IMMP2L: variants seen among roughly 807,000 people sequenced by gnomAD.
IMMP2L encodes mitochondrial inner membrane protease subunit 2.
Under a neutral mutation model 19.3 loss-of-function variants are expected in IMMP2L, and 18 were observed. The observed-to-expected ratio is 0.93, with a 90% CI of 0.64 to 1.38. The LOEUF (loss-of-function observed/expected upper bound fraction) is 1.38. IMMP2L is among the 40% of genes most tolerant of loss of function. IMMP2L has a pLI of 0.00. For synonymous variants in IMMP2L, 76 were observed against 73.0 expected, an observed-to-expected ratio of 1.04 and a Z score of -0.21; for missense variants, 233 against 218.2, an observed-to-expected ratio of 1.07 and a Z score of -0.43.
chr7:110,912,618 A>G (rs1813179335), intron 4 of IMMP2L, among the ~76,000 whole-genome samples: 1 of 151,970 alleles, frequency 6.6e-6, no homozygotes, highest in Non-Finnish European at 1.5e-5. Flanking sequence ...GGGGTAGGAT[A>G]ATGGGGCAAT....
Position 110,715,184 on chromosome 7 carries a change from C to T in IMMP2L, c.409-51463G>A, listed in dbSNP as rs1258731949. ...TTTTTTTCTTTGTTAATTTAGCTAA[C>T]AGTGTATTGCTCTTGTTCATCCTTT... On this transcript the variant is annotated intron_variant, in intron 5 of 5. Transcript: ENST00000405709. Among the ~76,000 whole-genome samples, 4 of 152,050 alleles carry T rather than the reference C, an allele frequency of 2.6e-5. 1 individual carries two copies. In the East Asian group the frequency reaches 7.7e-4, roughly 29 times the overall value.
At chr7:110,816,541 G>C (rs1265379086) in intron 5 of IMMP2L, among the ~76,000 whole-genome samples, 1 of 151,686 alleles carries the variant, frequency 6.6e-6, no homozygotes, top group East Asian at 1.9e-4. Context: ...CTGTCTCGTT[G>C]ATCTGTCTAA....
chr7:111,293,999 A>C (rs1045725998), intron 3 of IMMP2L, among the ~76,000 whole-genome samples: 1 of 151,968 alleles, frequency 6.6e-6, no homozygotes, highest in African/African-American at 2.4e-5. Flanking sequence ...CATAAATAGT[A>C]AAACAGAATA....
intron 3 of IMMP2L, among the ~76,000 whole-genome samples, chr7:111,069,560 T>C (rs886381954): frequency 1.3e-5 from 2 of 152,190 alleles, no homozygotes; most frequent in African/African-American, 4.8e-5. Context: ...ATTATTATAA[T>C]GAAGACTGAT....
intron 3 of IMMP2L, among the ~76,000 whole-genome samples, chr7:110,978,293 C>A (rs751753550): frequency 6.6e-6 from 1 of 151,874 alleles, no homozygotes; most frequent in Non-Finnish European, 1.5e-5. Context: ...TTAAAATACT[C>A]TGACTTAATT....
intron 3 of IMMP2L, among the ~76,000 whole-genome samples, chr7:111,152,181 T>C (rs1167970767): frequency 6.6e-6 from 1 of 152,130 alleles, no homozygotes; most frequent in African/African-American, 2.4e-5. Context: ...CTCTTCACTA[T>C]AATTTAGTAT....
At chr7:111,202,748 A>G (rs954902717) in intron 3 of IMMP2L, among the ~76,000 whole-genome samples, 9 of 152,206 alleles carry the variant, frequency 5.9e-5, no homozygotes, top group African/African-American at 9.6e-5. Flanking sequence ...ACTTTACACT[A>G]TGAACTCTAT....
At chr7:110,726,842 A>T (rs528817397) in intron 5 of IMMP2L, among the ~76,000 whole-genome samples, 2 of 152,156 alleles carry the variant, frequency 1.3e-5, no homozygotes, top group African/African-American at 2.4e-5. Context: ...CCAATGCCCA[A>T]ATTACTCTGG....
chr7:110,962,923 T>C (rs1819120433), intron 4 of IMMP2L: 3 of 1,403,160 alleles, frequency 2.1e-6, no homozygotes, highest in Non-Finnish European at 1.8e-6. Flanking sequence ...CAGTATTTAC[T>C]TGCTGAATGT....
intron 3 of IMMP2L, among the ~76,000 whole-genome samples, chr7:111,287,031 T>C (rs974021986): frequency 3.9e-5 from 6 of 152,328 alleles, no homozygotes; most frequent in Non-Finnish European, 7.4e-5. Context: ...ACTTGCTCCA[T>C]GGGGTTGTTA....
intron 3 of IMMP2L, among the ~76,000 whole-genome samples, chr7:111,343,383 A>G (rs149677292): frequency 6.6e-6 from 1 of 151,992 alleles, no homozygotes; most frequent in Non-Finnish European, 1.5e-5. Flanking sequence ...TCCTCTTCTG[A>G]GCTTTTCAGA....
intron 4 of IMMP2L, among the ~76,000 whole-genome samples, chr7:110,942,299 C>T (rs1585366049): frequency 6.6e-6 from 1 of 151,868 alleles, no homozygotes; most frequent in Non-Finnish European, 1.5e-5. Context: ...ATAGGAAATA[C>T]ACAATAGCAG....
Position 111,008,745 on chromosome 7 carries a change from C to T in IMMP2L, c.240-45180G>A, listed in dbSNP as rs192538909. Among the ~76,000 whole-genome samples the T allele has an allele frequency of 3.3e-5, 5 of 151,910 alleles. 1 individual carries two copies. Among genetic ancestry groups the T allele is most frequent in the African/African-American group, 1.2e-4 (5 of 41,420 alleles). ...CCTAGAATACTATGTGGCACATAGTCGACACTCAAAACTATTTGTTGTATG... is the reference window on the plus strand; with the variant it reads ...CCTAGAATACTATGTGGCACATAGTTGACACTCAAAACTATTTGTTGTATG... On this transcript the variant is annotated intron_variant, in intron 3 of 5. Transcript: ENST00000405709.
chr7:111,282,472 A>G (rs34861250), intron 3 of IMMP2L, among the ~76,000 whole-genome samples: 7,206 of 152,338 alleles, frequency 0.047, 247 homozygotes, highest in Non-Finnish European at 0.071. Context: ...AATGATAAAC[A>G]TATATGCAGC....
intron 3 of IMMP2L, among the ~76,000 whole-genome samples, chr7:111,300,577 G>A (rs1822115670): frequency 6.6e-6 from 1 of 152,018 alleles, no homozygotes; most frequent in Non-Finnish European, 1.5e-5. Flanking sequence ...CCACAAGGAT[G>A]CCTTCTGTTG....
intron 4 of IMMP2L, among the ~76,000 whole-genome samples, chr7:110,917,349 T>C (rs1190805875): frequency 6.6e-6 from 1 of 152,180 alleles, no homozygotes; most frequent in Non-Finnish European, 1.5e-5. Context: ...AGAAAACCAA[T>C]ACTACATTTT....
At chr7:110,979,748 G>GA (rs1031022854) in intron 3 of IMMP2L, among the ~76,000 whole-genome samples, 3 of 151,942 alleles carry the variant, frequency 2.0e-5, no homozygotes, top group African/African-American at 7.3e-5. Context: ...CCAACCACTT[G>GA]AAAAATGGGA....
At chr7:110,679,489 G>A (rs1792550936) in intron 5 of IMMP2L, among the ~76,000 whole-genome samples, 1 of 152,084 alleles carries the variant, frequency 6.6e-6, no homozygotes, top group Admixed American at 6.6e-5. Context: ...ATACATGAGT[G>A]GAGAGGTGTG....
intron 3 of IMMP2L, among the ~76,000 whole-genome samples, chr7:111,423,720 T>TC (rs748387789): frequency 2.0e-5 from 3 of 151,694 alleles, no homozygotes; most frequent in Admixed American, 6.6e-5. Context: ...AGATCTAAAA[T>TC]CGACACTCTA....
Sources: gnomAD v4.1 joint callset for allele counts (sites outside exome capture counted in the v4.1 genomes callset) on GRCh38, gnomAD v4.1.1 for gene constraint, MANE v1.5 for transcripts, NCBI Gene and HGNC (gene_info 2026-07-23, HGNC 2026-07-21) for gene names.